TRERF1: variants seen among roughly 807,000 people sequenced by gnomAD.
TRERF1 encodes transcriptional regulating factor 1, also known as transcriptional-regulating factor 1.
A neutral mutation model predicts 122.9 loss-of-function variants in TRERF1; 27 were observed. The observed-to-expected ratio is 0.22, with a 90% CI of 0.16 to 0.30. The LOEUF is 0.30. Among genes scored for constraint, TRERF1 ranks in the 10% least tolerant of loss-of-function variants. The pLI is 1.00. For missense variants in TRERF1, 1,248 were observed against 1,560.3 expected (o/e 0.80, Z 3.37); for synonymous variants, 636 against 641.7 (o/e 0.99, Z 0.13).
chr6:42,293,500 G>A (rs1784621613), intron 4 of TRERF1, among the ~76,000 whole-genome samples: 2 of 152,268 alleles, frequency 1.3e-5, no homozygotes, highest in South Asian at 2.1e-4. Flanking sequence ...TCACTGAAGT[G>A]CAAAGAAACA....
chr6:42,423,651 A>T (rs1284291755), intron 2 of TRERF1, among the ~76,000 whole-genome samples: 1 of 152,242 alleles, frequency 6.6e-6, no homozygotes, highest in African/African-American at 2.4e-5. Context: ...GTAATAAGAA[A>T]AAAATAAAAT....
chr6:42,294,319 C>T lies in TRERF1; in HGVS notation c.-259+6319G>A, dbSNP rs370328455. ...TCAGCTTCCTGAGTAGCTGGGATTA[C>T]AGGCGTGCGCCACCACGCCCGGCTA... is the stretch of plus-strand genomic sequence containing the variant. On this transcript the variant is annotated intron_variant, in intron 4 of 17. Transcript: ENST00000372922. Among the ~76,000 whole-genome samples the T allele has an allele frequency of 3.3e-5, 5 of 151,338 alleles. No individual in the cohort carries two copies. The East Asian group carries it at 7.8e-4, about 24-fold the overall frequency.
At chr6:42,438,367 C>T (rs1023067129) in intron 2 of TRERF1, among the ~76,000 whole-genome samples, 7 of 150,384 alleles carry the variant, frequency 4.7e-5, no homozygotes, top group African/African-American at 1.5e-4. Context: ...CCCAGCACTT[C>T]GGGAGGCCAA....
chr6:42,342,086 G>A (rs1443306931), intron 3 of TRERF1, among the ~76,000 whole-genome samples: 1 of 152,222 alleles, frequency 6.6e-6, no homozygotes, highest in East Asian at 1.9e-4. Flanking sequence ...CATTTATTCT[G>A]CATGTGTCTA....
chr6:42,267,953 T>C (rs1482110040), intron 5 of TRERF1, among the ~76,000 whole-genome samples: 1 of 152,238 alleles, frequency 6.6e-6, no homozygotes, highest in Non-Finnish European at 1.5e-5. Context: ...ATAAGCTCCA[T>C]GGCCAAAGGA....
chr6:42,451,381 T>A (rs968273109), intron 1 of TRERF1, 120 bp from the exon 2 acceptor site: 4 of 152,390 alleles, frequency 2.6e-5, no homozygotes, highest in African/African-American at 9.7e-5. Flanking sequence ...ACTCCCCAGA[T>A]GCAAGCCCCT....
At chr6:42,265,256 A>G (rs574826828) in intron 6 of TRERF1, among the ~76,000 whole-genome samples, 20 of 152,232 alleles carry the variant, frequency 1.3e-4, no homozygotes, top group Non-Finnish European at 2.9e-4. Context: ...ACGCTTCAGC[A>G]GTTTATCAGG....
At chr6:42,321,437 G>C (rs1561985106) in intron 3 of TRERF1, among the ~76,000 whole-genome samples, 1 of 151,696 alleles carries the variant, frequency 6.6e-6, no homozygotes, top group Non-Finnish European at 1.5e-5. Context: ...TAACAGCAAA[G>C]TTTTTAAAAA....
intron 3 of TRERF1, among the ~76,000 whole-genome samples, chr6:42,348,729 A>C (rs1042490257): frequency 6.6e-6 from 1 of 152,228 alleles, no homozygotes; most frequent in Non-Finnish European, 1.5e-5. Context: ...AAGTATGAGC[A>C]GAAAGGCCAC....
intron 3 of TRERF1, among the ~76,000 whole-genome samples, chr6:42,351,002 AACAC>A (rs140072376): frequency 6.7e-6 from 1 of 149,650 alleles, no homozygotes; most frequent in African/African-American, 2.4e-5. Flanking sequence ...CACACACACA[AACAC>A]ACACACACAC....
chr6:42,329,496 G>A (rs77010933), intron 3 of TRERF1, among the ~76,000 whole-genome samples: 16,201 of 152,064 alleles, frequency 0.11, 1,464 homozygotes, highest in African/African-American at 0.25. Context: ...AGCTGCCACC[G>A]TGCCTAAGCA....
At chr6:42,291,282 G>C (rs1001459079) in intron 4 of TRERF1, among the ~76,000 whole-genome samples, 1 of 152,098 alleles carries the variant, frequency 6.6e-6, no homozygotes, top group African/African-American at 2.4e-5. Context: ...CCTCCTTGCA[G>C]GATCCTTCCA....
intron 13 of TRERF1, among the ~76,000 whole-genome samples, chr6:42,249,757 C>T (rs57675486): frequency 0.03 from 4,533 of 152,228 alleles, 222 homozygotes; most frequent in African/African-American, 0.099. Context: ...CTGCACAGTC[C>T]TAGGCTTTGT....
chr6:42,240,193 T>C (rs1163721256), intron 15 of TRERF1, among the ~76,000 whole-genome samples: 2 of 152,240 alleles, frequency 1.3e-5, no homozygotes, highest in African/African-American at 2.4e-5. Flanking sequence ...ACAGAAGGAA[T>C]GTTTATGAAT....
chr6:42,445,075 C>T (rs1787227559), intron 2 of TRERF1, among the ~76,000 whole-genome samples: 1 of 152,060 alleles, frequency 6.6e-6, no homozygotes, highest in Admixed American at 6.6e-5. Context: ...TTGAGACCAG[C>T]CTGGCCAACA....
intron 3 of TRERF1, among the ~76,000 whole-genome samples, chr6:42,338,033 C>T (rs565927655): frequency 6.6e-6 from 1 of 152,238 alleles, no homozygotes; most frequent in East Asian, 1.9e-4. Context: ...TTAACAAGAG[C>T]CCCCAGGTGA....
intron 4 of TRERF1, among the ~76,000 whole-genome samples, chr6:42,295,554 A>G (rs1007683039): frequency 6.6e-6 from 1 of 152,206 alleles, no homozygotes; most frequent in Non-Finnish European, 1.5e-5. Flanking sequence ...CTCCTTCTCC[A>G]GCAGCCTCAC....
chr6:42,272,793 T>C (rs896225444), intron 4 of TRERF1, among the ~76,000 whole-genome samples: 1 of 152,088 alleles, frequency 6.6e-6, no homozygotes, highest in Non-Finnish European at 1.5e-5. Context: ...ACTCCTTTCC[T>C]CACACATATT....
intron 2 of TRERF1, among the ~76,000 whole-genome samples, chr6:42,373,827 AAAAG>A (rs927819802): frequency 6.7e-6 from 1 of 148,866 alleles, no homozygotes; most frequent in African/African-American, 2.5e-5. Flanking sequence ...GCAAAAAAAA[AAAAG>A]AAGAAGAAAG....
Sources: gnomAD v4.1 joint callset for allele counts (sites outside exome capture counted in the v4.1 genomes callset) on GRCh38, gnomAD v4.1.1 for gene constraint, MANE v1.5 for transcripts, NCBI Gene and HGNC (gene_info 2026-07-23, HGNC 2026-07-21) for gene names.